Variants in NRXN1 observed in about 807,000 individuals in gnomAD.
NRXN1 encodes the protein neurexin-1.
A neutral mutation model predicts 150.9 loss-of-function variants in NRXN1; 39 were observed. That is an observed-to-expected ratio of 0.26 (90% CI 0.20 to 0.34). The LOEUF (loss-of-function observed/expected upper bound fraction) is 0.34. Among genes scored for constraint, NRXN1 ranks in the 10% least tolerant of loss-of-function variants. NRXN1 has a pLI of 1.00. For synonymous variants in NRXN1, 924 were observed against 757.0 expected (o/e 1.22, Z -3.62); for missense variants, 1,815 against 1,949.9 (o/e 0.93, Z 1.30).
At chr2:50,650,207 A>T (rs1326962916) in intron 5 of NRXN1, among the ~76,000 whole-genome samples, 1 of 152,036 alleles carries the variant, frequency 6.6e-6, no homozygotes, top group African/African-American at 2.4e-5. Context: ...GATACTGGGT[A>T]AGATCCTGAA....
chr2:50,993,868 G>T (rs1289377442), intron 2 of NRXN1, among the ~76,000 whole-genome samples: 1 of 151,854 alleles, frequency 6.6e-6, no homozygotes, highest in African/African-American at 2.4e-5. Context: ...TGCTGAAAAG[G>T]GGAACCCAGA....
chr2:50,297,207 G>T (rs1015978607), intron 17 of NRXN1, among the ~76,000 whole-genome samples: 1 of 152,016 alleles, frequency 6.6e-6, no homozygotes, highest in Non-Finnish European at 1.5e-5. Flanking sequence ...TCTTTTTAAT[G>T]GCTGTATAGT....
At chr2:50,574,359 T>C (rs1671088456) in intron 8 of NRXN1, among the ~76,000 whole-genome samples, 1 of 152,106 alleles carries the variant, frequency 6.6e-6, no homozygotes, top group Non-Finnish European at 1.5e-5. Flanking sequence ...AAAATCTGAA[T>C]TGAAATTTGG....
At chr2:50,821,792 C>G (rs1209460323) in intron 5 of NRXN1, among the ~76,000 whole-genome samples, 2 of 152,062 alleles carry the variant, frequency 1.3e-5, no homozygotes, top group Non-Finnish European at 2.9e-5. Flanking sequence ...ACTGATTTAG[C>G]TCATAAACAA....
At chr2:49,974,853 A>G (rs1360264177) in intron 21 of NRXN1, among the ~76,000 whole-genome samples, 1 of 151,794 alleles carries the variant, frequency 6.6e-6, no homozygotes, top group Non-Finnish European at 1.5e-5. Context: ...AAAAACAAGC[A>G]CCAAAAGATG....
chr2:50,633,829 G>T (rs1682789525), intron 5 of NRXN1, among the ~76,000 whole-genome samples: 1 of 152,110 alleles, frequency 6.6e-6, no homozygotes, highest in Admixed American at 6.6e-5. Context: ...CCATAAGTGA[G>T]TCAAGTATAA....
intron 18 of NRXN1, among the ~76,000 whole-genome samples, chr2:50,202,728 GGAGGCAGACCAA>G (rs2062269855): frequency 6.6e-6 from 1 of 152,032 alleles, no homozygotes; most frequent in African/African-American, 2.4e-5. Context: ...GTATATTAGG[GGAGGCAGACCAA>G]ATAGCTTCAA....
At chr2:50,087,246 A>G (rs947631130) in intron 19 of NRXN1, among the ~76,000 whole-genome samples, 2 of 152,152 alleles carry the variant, frequency 1.3e-5, no homozygotes, top group African/African-American at 4.8e-5. Flanking sequence ...CTATCTCTGT[A>G]ACCAGACTGT....
At position 50,037,556 on chromosome 2, in the gene NRXN1, G is replaced by C. The variant is rs181550670; in HGVS notation, c.4128+15715C>G. On this transcript the variant is annotated intron_variant, in intron 21 of 22. Transcript: ENST00000401669. ...GAAATATAAGACTATTTTCTCCTGA[G>C]ATTTCATTAAAGATACGATATTAGG... Among the ~76,000 whole-genome samples, 3 of 152,226 alleles carry C rather than the reference G, an allele frequency of 2.0e-5. No individual in the cohort carries two copies. The East Asian group carries it at 5.8e-4, about 29-fold the overall frequency.
In NRXN1 at chr2:50,179,302, A is replaced by G. The variant is rs868763984; in HGVS notation, c.3546+57487T>C. Among the ~76,000 whole-genome samples the G allele has an allele frequency of 3.3e-5, 5 of 152,086 alleles. No homozygotes were observed. The South Asian group carries it at 1.0e-3, about 32-fold the overall frequency. ...AGCATATTAGCCACAGAGAAACAAG[A>G]TACATAAATTCTGGGACCACCTAAA... On this transcript the variant is annotated intron_variant, in intron 18 of 22. Transcript: ENST00000401669.
chr2:50,713,683 G>A (rs141063303), intron 5 of NRXN1, among the ~76,000 whole-genome samples: 252 of 151,524 alleles, frequency 1.7e-3, no homozygotes, highest in African/African-American at 5.8e-3. Flanking sequence ...AATGTACTTC[G>A]CAAACAAAAA....
At position 50,986,857 on chromosome 2, in the gene NRXN1, A is replaced by G. The variant is rs536091576; in HGVS notation, c.772+40645T>C. Among the ~76,000 whole-genome samples the G allele has an allele frequency of 2.6e-5, 4 of 151,970 alleles. 1 individual carries two copies. In the South Asian group the frequency reaches 8.3e-4, roughly 31 times the overall value. On this transcript the variant is annotated intron_variant, in intron 2 of 22. Transcript: ENST00000401669. ...ATTCTATTTGTTTAAAATAAACACA[A>G]TTGACATAGATATATATGTATATAT... is the stretch of plus-strand genomic sequence containing the variant.
intron 5 of NRXN1, among the ~76,000 whole-genome samples, chr2:50,803,129 T>C (rs146752435): frequency 6.6e-4 from 101 of 152,300 alleles, no homozygotes; most frequent in Non-Finnish European, 1.1e-3. Context: ...AAAGAAAATC[T>C]ACTTTTCTGC....
chr2:50,880,156 GT>G (rs986954659), intron 5 of NRXN1, among the ~76,000 whole-genome samples: 1 of 151,888 alleles, frequency 6.6e-6, no homozygotes, highest in Non-Finnish European at 1.5e-5. Context: ...AAGAAGCTGG[GT>G]TTTTTCCCTG....
chr2:50,884,733 T>G (rs1679960719), intron 5 of NRXN1, among the ~76,000 whole-genome samples: 1 of 151,642 alleles, frequency 6.6e-6, no homozygotes, highest in Admixed American at 6.6e-5. Context: ...CATACAACTC[T>G]GCTTTAAACT....
At chr2:50,363,601 G>A (rs930244908) in intron 17 of NRXN1, among the ~76,000 whole-genome samples, 1 of 152,188 alleles carries the variant, frequency 6.6e-6, no homozygotes, top group Non-Finnish European at 1.5e-5. Context: ...ACAGATGCTG[G>A]AGAGGATGTG....
At chr2:50,998,977 T>C (rs915251222) in intron 2 of NRXN1, among the ~76,000 whole-genome samples, 6 of 152,078 alleles carry the variant, frequency 3.9e-5, no homozygotes, top group African/African-American at 1.4e-4. Flanking sequence ...CTGCCAATTA[T>C]AGCAAGGTCT....
chr2:50,815,217 G>T (rs1436827515), intron 5 of NRXN1, among the ~76,000 whole-genome samples: 1 of 152,066 alleles, frequency 6.6e-6, no homozygotes, highest in Non-Finnish European at 1.5e-5. Flanking sequence ...CTCATTTAAA[G>T]CAGGTACACA....
chr2:50,127,666 A>C (rs546721798), intron 18 of NRXN1, among the ~76,000 whole-genome samples: 1 of 152,318 alleles, frequency 6.6e-6, no homozygotes, highest in East Asian at 1.9e-4. Context: ...ACTAGAAGAC[A>C]GCAATGACCA....
Sources: gnomAD v4.1 joint callset for allele counts (sites outside exome capture counted in the v4.1 genomes callset) on GRCh38, gnomAD v4.1.1 for gene constraint, MANE v1.5 for transcripts, NCBI Gene and HGNC (gene_info 2026-07-23, HGNC 2026-07-21) for gene names.